The following KCNIP1 variants were observed in gnomAD, a reference collection of about 807,000 sequenced individuals.
The protein encoded by KCNIP1 is A-type potassium channel modulatory protein KCNIP1.
KCNIP1 carries 18 observed loss-of-function variants against 33.0 expected under a neutral mutation model. That is an observed-to-expected ratio of 0.55 (90% CI 0.38 to 0.81). The LOEUF is 0.81. Ranked by LOEUF, KCNIP1 falls within the 30% of genes least tolerant of loss-of-function variation. The probability of loss-of-function intolerance (pLI) is 0.00; values close to 1 mark genes in which losing one functional copy is unlikely to be tolerated. For missense variants in KCNIP1, 238 were observed against 271.6 expected (o/e 0.88, Z 0.87); for synonymous variants, 93 against 98.3 (o/e 0.95, Z 0.32).
chr5:170,609,246 T>C (rs1042341209), intron 1 of KCNIP1, among the ~76,000 whole-genome samples: 9 of 152,222 alleles, frequency 5.9e-5, no homozygotes, highest in African/African-American at 2.2e-4. Context: ...ATGACTGTCC[T>C]GAGGCTATTT....
At chr5:170,664,334 G>A (rs986990740) in intron 1 of KCNIP1, among the ~76,000 whole-genome samples, 2 of 152,060 alleles carry the variant, frequency 1.3e-5, no homozygotes, top group Admixed American at 1.3e-4. Flanking sequence ...TCCAAAACAG[G>A]CTCAGTTCCC....
intron 1 of KCNIP1, among the ~76,000 whole-genome samples, chr5:170,578,195 A>G (rs1395653707): frequency 1.3e-5 from 2 of 152,218 alleles, no homozygotes; most frequent in Non-Finnish European, 2.9e-5. Flanking sequence ...GGGGAAAGAA[A>G]ACTAGAGGAA....
chr5:170,441,419 T>G (rs1755986830), intron 1 of KCNIP1, among the ~76,000 whole-genome samples: 1 of 151,564 alleles, frequency 6.6e-6, no homozygotes, highest in South Asian at 2.1e-4. Flanking sequence ...TGGGGAGGGG[T>G]GGGGGGCCCA....
intron 1 of KCNIP1, among the ~76,000 whole-genome samples, chr5:170,575,584 A>G (rs1455274226): frequency 6.6e-6 from 1 of 152,176 alleles, no homozygotes; most frequent in Non-Finnish European, 1.5e-5. Context: ...TTGTATGCCT[A>G]CACTGCTTTT....
At chr5:170,415,737 G>T (rs994065892) in intron 1 of KCNIP1, among the ~76,000 whole-genome samples, 18 of 152,176 alleles carry the variant, frequency 1.2e-4, no homozygotes, top group Non-Finnish European at 2.5e-4. Flanking sequence ...CGCCACAGGA[G>T]TTTTTTCTAT....
chr5:170,423,905 C>T (rs778486375), intron 1 of KCNIP1, among the ~76,000 whole-genome samples: 6 of 152,192 alleles, frequency 3.9e-5, no homozygotes, highest in Non-Finnish European at 8.8e-5. Context: ...GGAGGTAGCG[C>T]TGTCTACTAG....
intron 1 of KCNIP1, among the ~76,000 whole-genome samples, chr5:170,531,004 C>T (rs1391869698): frequency 6.6e-6 from 1 of 152,220 alleles, no homozygotes; most frequent in Non-Finnish European, 1.5e-5. Flanking sequence ...ATTCTCTGCA[C>T]TGCCAAATAT....
At chr5:170,614,129 G>T (rs1019025168) in intron 1 of KCNIP1, among the ~76,000 whole-genome samples, 7 of 152,338 alleles carry the variant, frequency 4.6e-5, no homozygotes, top group South Asian at 2.1e-4. Flanking sequence ...AACAGCTGGC[G>T]AGGAAGGACT....
intron 1 of KCNIP1, chr5:170,482,983 G>T (rs1757008092): frequency 2.4e-5 from 10 of 424,934 alleles, no homozygotes; most frequent in South Asian, 1.7e-4. Flanking sequence ...TGCATCCCTA[G>T]AAAACATAGC....
chr5:170,647,054 T>C (rs1760814209), intron 1 of KCNIP1, among the ~76,000 whole-genome samples: 1 of 152,028 alleles, frequency 6.6e-6, no homozygotes, highest in Admixed American at 6.6e-5. Context: ...TCAAATAACA[T>C]ATGTACAAGA....
Position 170,526,719 on chromosome 5 carries a change from C to CTTTTTTGCTT in KCNIP1, c.61+22092_61+22093insGCTTTTTTTT, listed in dbSNP as rs774926936. 1.8e-3 allele frequency among the ~76,000 whole-genome samples: 217 copies of CTTTTTTGCTT among 122,820 alleles called. 4 individuals are homozygous for CTTTTTTGCTT. The highest frequency in any genetic ancestry group is 6.3e-3 in the African/African-American group (194 of 30,562). The allele number at this position is 122,820 out of a possible 152,430, so 80.6% of individuals were successfully genotyped here. ...TCACCCATACCTTTTATCTGATTAGCTTTTTTTTTTTTTTTTTTTTTGAGA... is the reference window on the plus strand; with the variant it reads ...TCACCCATACCTTTTATCTGATTAGCTTTTTTGCTTTTTTTTTTTTTTTTTTTTTTTGAGA... On this transcript the variant is annotated intron_variant, in intron 1 of 7. Coordinates refer to ENST00000328939, the MANE Select transcript of KCNIP1 (RefSeq NM_014592.4).
chr5:170,645,712 C>A (rs146901993), intron 1 of KCNIP1, among the ~76,000 whole-genome samples: 8 of 152,286 alleles, frequency 5.3e-5, no homozygotes, highest in African/African-American at 1.9e-4. Context: ...AGATAGGCCA[C>A]ATTCTGAGTC....
chr5:170,688,694 C>T (rs1581502758), intron 1 of KCNIP1, among the ~76,000 whole-genome samples: 1 of 152,192 alleles, frequency 6.6e-6, no homozygotes, highest in African/African-American at 2.4e-5. Context: ...CCTCCCTAAA[C>T]AGCAGGTGAA....
intron 1 of KCNIP1, among the ~76,000 whole-genome samples, chr5:170,453,233 A>G (rs1448038800): frequency 6.6e-6 from 1 of 152,258 alleles, no homozygotes; most frequent in Non-Finnish European, 1.5e-5. Flanking sequence ...AGCCATTAAA[A>G]GGATATCATC....
At chr5:170,384,975 C>T (rs368926720) in intron 1 of KCNIP1, among the ~76,000 whole-genome samples, 2 of 152,246 alleles carry the variant, frequency 1.3e-5, no homozygotes, top group East Asian at 3.8e-4. Context: ...GAGCTGTAAA[C>T]ATCTGCAATT....
intron 1 of KCNIP1, among the ~76,000 whole-genome samples, chr5:170,395,732 G>A (rs1023305298): frequency 1.3e-5 from 2 of 152,206 alleles, no homozygotes; most frequent in Admixed American, 6.5e-5. Flanking sequence ...GCCTTAGTGA[G>A]TGAGAGAGAG....
intron 1 of KCNIP1, among the ~76,000 whole-genome samples, chr5:170,685,896 AAAG>A (rs1432477445): frequency 6.6e-6 from 1 of 152,270 alleles, no homozygotes; most frequent in African/African-American, 2.4e-5. Flanking sequence ...TTCTTCAGAG[AAAG>A]AACAACATAA....
chr5:170,476,339 A>C (rs1022769474), intron 1 of KCNIP1, among the ~76,000 whole-genome samples: 6 of 152,254 alleles, frequency 3.9e-5, no homozygotes, highest in Non-Finnish European at 8.8e-5. Context: ...ACAATAACAG[A>C]TGATGAAATA....
intron 1 of KCNIP1, among the ~76,000 whole-genome samples, chr5:170,432,292 T>TTCTTG (rs1755762190): frequency 6.6e-6 from 1 of 152,170 alleles, no homozygotes; most frequent in Non-Finnish European, 1.5e-5. Context: ...GTATTGTAGG[T>TTCTTG]TTTAACTAGA....
Sources: allele counts gnomAD v4.1 joint callset (sites outside exome capture counted in the v4.1 genomes callset), GRCh38; gene constraint gnomAD v4.1.1; transcripts MANE v1.5; gene names NCBI Gene and HGNC (gene_info 2026-07-23, HGNC 2026-07-21).